GNG12: variants seen among roughly 807,000 people sequenced by gnomAD.
GNG12 encodes the protein G protein subunit gamma 12.
For synonymous variants in GNG12, 28 were observed against 29.7 expected (o/e 0.94, Z 0.19); for missense variants, 69 against 83.8 (o/e 0.82, Z 0.69).
chr1:67,712,255 C>G (rs1302955870), intron 2 of GNG12, among the ~76,000 whole-genome samples: 2 of 152,210 alleles, frequency 1.3e-5, no homozygotes, highest in Non-Finnish European at 2.9e-5. Flanking sequence ...AGAATAGCTT[C>G]CAAGGCAAAC....
chr1:67,740,827 A>T (rs1439171225), intron 2 of GNG12, among the ~76,000 whole-genome samples: 2 of 152,240 alleles, frequency 1.3e-5, no homozygotes. Flanking sequence ...GGACCTCACC[A>T]GACATCGAAT....
chr1:67,774,030 A>G lies in GNG12; in HGVS notation c.-27+3428T>C, dbSNP rs375100711. On this transcript the variant is annotated intron_variant, in intron 2 of 3. Coordinates refer to ENST00000370982, the MANE Select transcript of GNG12 (RefSeq NM_018841.6). ...ATTCACCTGCACCGAGGCAGTCGTC[A>G]TTGTTTTACCTACAGAGATGTTGTC... 2.5e-3 allele frequency among the ~76,000 whole-genome samples: 376 copies of G among 152,300 alleles called. No homozygotes were observed. The Middle Eastern group carries it at 0.034, about 14-fold the overall frequency.
chr1:67,800,846 C>T (rs1203365596), intron 1 of GNG12, among the ~76,000 whole-genome samples: 3 of 152,068 alleles, frequency 2.0e-5, no homozygotes, highest in Non-Finnish European at 4.4e-5. Context: ...TTGTGAACTC[C>T]TTGAAAGGAT....
chr1:67,745,128 T>C (rs1388566142), intron 2 of GNG12, among the ~76,000 whole-genome samples: 1 of 152,236 alleles, frequency 6.6e-6, no homozygotes, highest in Non-Finnish European at 1.5e-5. Context: ...TACTTAAGTG[T>C]GTGAAATAAA....
At chr1:67,805,842 A>C (rs946317872) in intron 1 of GNG12, among the ~76,000 whole-genome samples, 16 of 151,642 alleles carry the variant, frequency 1.1e-4, no homozygotes, top group African/African-American at 2.2e-4. Flanking sequence ...AAAAAAAAAA[A>C]CCTAGGCATA....
intron 2 of GNG12, among the ~76,000 whole-genome samples, chr1:67,731,402 G>A (rs1646418163): frequency 6.6e-6 from 1 of 152,250 alleles, no homozygotes; most frequent in Non-Finnish European, 1.5e-5. Flanking sequence ...TAAGCAGAAA[G>A]AAGAGAGAGA....
chr1:67,732,962 T>C (rs943047553), intron 2 of GNG12, among the ~76,000 whole-genome samples: 5 of 152,182 alleles, frequency 3.3e-5, no homozygotes, highest in African/African-American at 9.7e-5. Flanking sequence ...AAGCTGAACC[T>C]TGGAGGATCT....
At chr1:67,769,270 T>A (rs1329152187) in intron 2 of GNG12, among the ~76,000 whole-genome samples, 1 of 152,116 alleles carries the variant, frequency 6.6e-6, no homozygotes, top group East Asian at 1.9e-4. Flanking sequence ...ACCTAATTGT[T>A]ACAGGACCCA....
At chr1:67,823,026 A>C (rs192158006) in intron 1 of GNG12, among the ~76,000 whole-genome samples, 4 of 152,290 alleles carry the variant, frequency 2.6e-5, no homozygotes, top group Admixed American at 6.5e-5. Flanking sequence ...TTGTGCTTTT[A>C]CTTTCATCTT....
chr1:67,738,281 A>G (rs1288515463), intron 2 of GNG12, among the ~76,000 whole-genome samples: 1 of 152,140 alleles, frequency 6.6e-6, no homozygotes, highest in East Asian at 1.9e-4. Flanking sequence ...TTTTGTTTTG[A>G]ACAATAAAGC....
intron 1 of GNG12, among the ~76,000 whole-genome samples, chr1:67,808,151 T>C (rs1460157274): frequency 6.6e-6 from 1 of 152,110 alleles, no homozygotes. Context: ...TGGTTCAATA[T>C]TTGAAAATCA....
Position 67,773,927 on chromosome 1 carries a change from G to A in GNG12, c.-27+3531C>T, listed in dbSNP as rs145121732. Among the ~76,000 whole-genome samples the A allele has an allele frequency of 6.9e-3, 1,045 of 152,188 alleles. 4 individuals are homozygous for A. Among genetic ancestry groups the A allele is most frequent in the Non-Finnish European group, 0.011 (775 of 68,012 alleles). On this transcript the variant is annotated intron_variant, in intron 2 of 3. Coordinates refer to ENST00000370982, the MANE Select transcript of GNG12 (RefSeq NM_018841.6). ...GCTGAAACAATTACATTTCATCCTT[G>A]GACTAAGCAAGACCAACAGAGAAAT...
chr1:67,803,069 A>G (rs1307689515), intron 1 of GNG12, among the ~76,000 whole-genome samples: 1 of 152,250 alleles, frequency 6.6e-6, no homozygotes, highest in Non-Finnish European at 1.5e-5. Flanking sequence ...TTGGAGGGAC[A>G]TTGCCCCCAC....
chr1:67,762,588 T>C (rs537977559), intron 2 of GNG12, among the ~76,000 whole-genome samples: 2 of 152,342 alleles, frequency 1.3e-5, no homozygotes, highest in South Asian at 4.1e-4. Context: ...TACATACATA[T>C]ATGGCATCCT....
chr1:67,812,153 C>G (rs1356722697), intron 1 of GNG12, among the ~76,000 whole-genome samples: 3 of 152,168 alleles, frequency 2.0e-5, no homozygotes, highest in Non-Finnish European at 4.4e-5. Context: ...AGTACCATGT[C>G]TCCCAGCTCA....
intron 3 of GNG12, among the ~76,000 whole-genome samples, chr1:67,706,716 C>T (rs1388102687): frequency 2.0e-5 from 3 of 149,278 alleles, no homozygotes; most frequent in African/African-American, 5.0e-5. Flanking sequence ...AGTGCAATGG[C>T]GCGATCTTGG....
chr1:67,757,427 T>A (rs1194117784), intron 2 of GNG12, among the ~76,000 whole-genome samples: 1 of 152,126 alleles, frequency 6.6e-6, no homozygotes, highest in East Asian at 1.9e-4. Flanking sequence ...GAGCCCAGAA[T>A]CTCCTTTGGC....
intron 1 of GNG12, among the ~76,000 whole-genome samples, chr1:67,798,789 AC>A (rs1646846923): frequency 6.6e-6 from 1 of 152,104 alleles, no homozygotes; most frequent in African/African-American, 2.4e-5. Context: ...GCCCGTCTCT[AC>A]TAAAATACAA....
chr1:67,726,921 C>T (rs775759455), intron 2 of GNG12, among the ~76,000 whole-genome samples: 14 of 152,110 alleles, frequency 9.2e-5, no homozygotes, highest in Non-Finnish European at 1.8e-4. Flanking sequence ...TTTCAAAAGC[C>T]GCTCCTCTTC....
Sources: gnomAD v4.1 joint callset for allele counts (sites outside exome capture counted in the v4.1 genomes callset) on GRCh38, gnomAD v4.1.1 for gene constraint, MANE v1.5 for transcripts, NCBI Gene and HGNC (gene_info 2026-07-23, HGNC 2026-07-21) for gene names.